The following DGCR2 variants were observed in gnomAD, a reference collection of about 807,000 sequenced individuals.
DGCR2 encodes DiGeorge syndrome critical region gene 2, also known as integral membrane protein DGCR2/IDD.
DGCR2 carries 24 observed loss-of-function variants against 51.6 expected under a neutral mutation model. The ratio of observed to expected loss-of-function variants is 0.47; its 90% CI spans 0.34 to 0.65. DGCR2 has a LOEUF of 0.65. Ranked by LOEUF, DGCR2 falls within the 30% of genes least tolerant of loss-of-function variation. The pLI is 0.01. For missense variants in DGCR2, 765 were observed against 772.1 expected, an observed-to-expected ratio of 0.99 and a Z score of 0.11; for synonymous variants, 340 against 315.4, an observed-to-expected ratio of 1.08 and a Z score of -0.82.
chr22:19,064,851 C>A lies in DGCR2; in HGVS notation c.545G>T (p.Arg182Leu). 1 of 1,613,326 alleles carries A rather than the reference C, an allele frequency of 6.2e-7. No homozygotes were observed. The highest frequency in any genetic ancestry group is 8.5e-7 in the Non-Finnish European group (1 of 1,179,828). ...AGGTCCCCAATCCAGGACTCACTTG[C>A]GCTGGTCCTTCCAACCAAAGCTCCG... ...PERSFGWKDQ[R>L]KLWVGYQYVI... Residue 182 changes from arginine to leucine, a missense_variant, in exon 4 of 10, where the codon CGC becomes CTC. By Grantham distance (102) the Arg-to-Leu change is moderately radical. Transcript: ENST00000263196.
At chr22:19,074,449 C>T (rs2082852408) in intron 2 of DGCR2, among the ~76,000 whole-genome samples, 1 of 150,958 alleles carries the variant, frequency 6.6e-6, no homozygotes, top group Admixed American at 6.6e-5. Flanking sequence ...CAATGTTGTG[C>T]CAACAAAAAG....
At chr22:19,046,796 C>A (rs769621298) in intron 7 of DGCR2, 19 of 428,808 alleles carry the variant, frequency 4.4e-5, no homozygotes, top group Non-Finnish European at 7.2e-5. Context: ...TCTGGGCCCA[C>A]CCAGATGCAC....
intron 1 of DGCR2, among the ~76,000 whole-genome samples, chr22:19,117,514 C>G (rs1391727921): frequency 6.6e-6 from 1 of 152,230 alleles, no homozygotes; most frequent in Non-Finnish European, 1.5e-5. Context: ...GGAGCAGCCT[C>G]TACTCTCTGC....
intron 9 of DGCR2, among the ~76,000 whole-genome samples, 166 bp from the exon 10 acceptor site, chr22:19,039,287 G>A (rs1295054282): frequency 6.6e-6 from 1 of 152,134 alleles, no homozygotes; most frequent in Non-Finnish European, 1.5e-5. Context: ...TTTTGAAGGA[G>A]GAGCCTGCCC....
intron 2 of DGCR2, among the ~76,000 whole-genome samples, chr22:19,074,316 C>G (rs1244105579): frequency 4.6e-5 from 7 of 151,494 alleles, no homozygotes; most frequent in Admixed American, 6.6e-5. Flanking sequence ...ATCCCGGCTA[C>G]TCAGGAGGCT....
rs2083052878 is a variant in DGCR2 at position 19,089,368 on chromosome 22, C to T, written c.202G>A (p.Glu68Lys). The T allele has an allele frequency of 6.2e-7, 1 of 1,603,340 alleles. No homozygotes were observed. Among genetic ancestry groups the T allele is most frequent in the African/African-American group, 1.3e-5 (1 of 74,806 alleles). The stretch of plus-strand genomic sequence containing the variant: ...TACCCCGCCTACTCAACACACTCAC[C>T]TGGACAGTTGGCTTCGTCGCTCTCA... ...EDESDEANCPEVTGEVRPHHG... is the reference protein window; with the variant it reads ...EDESDEANCPKVTGEVRPHHG... The change falls in exon 2 of 10, where the codon GAA (glutamate) becomes AAA (lysine). Residue 68 changes from glutamate (E) to lysine (K), a missense_variant and splice_region_variant. Transcript: ENST00000263196.
intron 1 of DGCR2, among the ~76,000 whole-genome samples, chr22:19,116,485 T>A (rs552026959): frequency 2.6e-5 from 4 of 152,162 alleles, no homozygotes; most frequent in African/African-American, 9.7e-5. Flanking sequence ...CCCAAGCCCA[T>A]GCATCACTCT....
intron 2 of DGCR2, among the ~76,000 whole-genome samples, chr22:19,084,014 A>G (rs2082975768): frequency 6.6e-6 from 1 of 151,922 alleles, no homozygotes; most frequent in African/African-American, 2.4e-5. Flanking sequence ...AGTCTCGTTC[A>G]CTCAGTGCTC....
intron 1 of DGCR2, among the ~76,000 whole-genome samples, chr22:19,113,159 C>A (rs1397835826): frequency 2.0e-5 from 3 of 152,096 alleles, no homozygotes; most frequent in Non-Finnish European, 4.4e-5. Context: ...ATCATGAGGT[C>A]AAGAGATCGA....
At chr22:19,085,132 C>T (rs1474317604) in intron 2 of DGCR2, among the ~76,000 whole-genome samples, 1 of 149,672 alleles carries the variant, frequency 6.7e-6, no homozygotes, top group East Asian at 1.9e-4. Flanking sequence ...AAAGATGGTT[C>T]CACTGGGAAA....
At chr22:19,058,173 G>A (rs1601524635) in intron 5 of DGCR2, among the ~76,000 whole-genome samples, 2 of 152,188 alleles carry the variant, frequency 1.3e-5, no homozygotes, top group Admixed American at 1.3e-4. Context: ...CAGTGAGTCT[G>A]GAGGCAGGCC....
chr22:19,098,094 T>C (rs904359570), intron 1 of DGCR2, among the ~76,000 whole-genome samples: 1 of 151,944 alleles, frequency 6.6e-6, no homozygotes, highest in Non-Finnish European at 1.5e-5. Flanking sequence ...AAAAAAAAAA[T>C]AGTTATCAAA....
intron 7 of DGCR2, among the ~76,000 whole-genome samples, chr22:19,045,556 G>A (rs2082480182): frequency 6.6e-6 from 1 of 152,138 alleles, no homozygotes; most frequent in Admixed American, 6.5e-5. Context: ...AACTACTTTG[G>A]CTATTTTAAT....
At chr22:19,094,284 T>C (rs2083113526) in intron 1 of DGCR2, among the ~76,000 whole-genome samples, 1 of 152,038 alleles carries the variant, frequency 6.6e-6, no homozygotes, top group Non-Finnish European at 1.5e-5. Context: ...AAAAATTAGA[T>C]GGGTGCGGTG....
intron 2 of DGCR2, among the ~76,000 whole-genome samples, chr22:19,068,692 A>G (rs1301669643): frequency 1.3e-5 from 2 of 152,134 alleles, no homozygotes; most frequent in African/African-American, 4.8e-5. Flanking sequence ...CTGGGGCCTG[A>G]GCTGCCTATC....
intron 4 of DGCR2, among the ~76,000 whole-genome samples, chr22:19,063,513 A>AATT (rs1555904169): frequency 3.0e-5 from 4 of 132,984 alleles, no homozygotes; most frequent in Admixed American, 1.5e-4. Flanking sequence ...TAATTTTTGT[A>AATT]TTTTTTTTTT....
chr22:19,090,652 A>C (rs1232079375), intron 1 of DGCR2, among the ~76,000 whole-genome samples: 1 of 152,234 alleles, frequency 6.6e-6, no homozygotes, highest in Non-Finnish European at 1.5e-5. Context: ...GGAAGAGAGA[A>C]ACAGAAGCAC....
chr22:19,039,201 A>G lies in DGCR2; in HGVS notation c.1397-80T>C, dbSNP rs547337816. On this transcript the variant is annotated intron_variant, in intron 9 of 9. Transcript: ENST00000263196. ...TGCAGGGGAGCTAGGCAAAACCAGG[A>G]GACACTCCTCCTGCCTGAAGGCCCC... 112 of 1,559,820 alleles carry G rather than the reference A, an allele frequency of 7.2e-5. 1 individual carries two copies. The East Asian group carries it at 2.5e-3, about 34-fold the overall frequency.
intron 1 of DGCR2, among the ~76,000 whole-genome samples, chr22:19,113,560 G>A (rs186761600): frequency 2.0e-5 from 3 of 152,100 alleles, no homozygotes; most frequent in East Asian, 1.9e-4. Flanking sequence ...AGGAACCAGC[G>A]CTCTGTGGGA....
Sources: allele counts gnomAD v4.1 joint callset (sites outside exome capture counted in the v4.1 genomes callset), GRCh38; gene constraint gnomAD v4.1.1; transcripts MANE v1.5; gene names NCBI Gene and HGNC (gene_info 2026-07-23, HGNC 2026-07-21).